The following UTS2B variants were observed in gnomAD, a reference collection of about 807,000 sequenced individuals.
The protein encoded by UTS2B is urotensin 2B.
UTS2B carries 21 observed loss-of-function variants against 19.2 expected under a neutral mutation model. The ratio of observed to expected loss-of-function variants is 1.09; its 90% CI spans 0.78 to 1.58. The LOEUF is 1.58. Ranked by LOEUF, UTS2B falls within the 40% of genes most tolerant of loss-of-function variation. The pLI, the probability that UTS2B is intolerant of heterozygous loss-of-function variation, is 0.00. For synonymous variants in UTS2B, 57 were observed against 50.2 expected, an observed-to-expected ratio of 1.14 and a Z score of -0.58; for missense variants, 138 against 130.3, an observed-to-expected ratio of 1.06 and a Z score of -0.29.
In UTS2B at chr3:191,275,235, T is replaced by G. The variant is rs909717344; in HGVS notation, c.334+17A>C. The G allele has an allele frequency of 2.5e-6, 4 of 1,572,490 alleles. No homozygotes were observed. The African/African-American group carries it at 5.4e-5, about 21-fold the overall frequency. On this transcript the variant is annotated intron_variant, in intron 8 of 8. Coordinates refer to ENST00000340524, the MANE Select transcript of UTS2B (RefSeq NM_198152.5). ...TCTTTTGGAAGTCAATCTTAAAACC[T>G]TGAAATGAAAGCTTACCTCGTTTGC...
chr3:191,322,046 A>ATGTG (rs1288012055), intron 2 of UTS2B, among the ~76,000 whole-genome samples: 2 of 131,424 alleles, frequency 1.5e-5, no homozygotes, highest in African/African-American at 3.5e-5. Flanking sequence ...ATATACATAT[A>ATGTG]TATGTGTGTG....
At chr3:191,274,408 C>T (rs531907380) in intron 8 of UTS2B, among the ~76,000 whole-genome samples, 14 of 152,232 alleles carry the variant, frequency 9.2e-5, no homozygotes, top group Middle Eastern at 3.4e-3. Context: ...TCCCAACAAT[C>T]CCATGAAGAT....
chr3:191,301,083 C>T (rs551772356), intron 4 of UTS2B, among the ~76,000 whole-genome samples: 1 of 144,636 alleles, frequency 6.9e-6, no homozygotes, highest in African/African-American at 2.5e-5. Context: ...TGACTTACTG[C>T]CCTAACCAAA....
At chr3:191,313,398 A>G (rs889589437) in intron 3 of UTS2B, among the ~76,000 whole-genome samples, 1 of 152,218 alleles carries the variant, frequency 6.6e-6, no homozygotes, top group African/African-American at 2.4e-5. Flanking sequence ...AACAAAGCAC[A>G]TTCCTTGCTG....
chr3:191,277,183 C>T (rs568065174), intron 6 of UTS2B, among the ~76,000 whole-genome samples: 125 of 151,992 alleles, frequency 8.2e-4, no homozygotes, highest in Non-Finnish European at 1.3e-3. Flanking sequence ...GGGTTGTGGG[C>T]GGGGGGAAGC....
chr3:191,268,103 G>A lies in UTS2B; in HGVS notation c.*313C>T, dbSNP rs566090576. ...ATCCGTTTATAGGCTCTCCACGAGG[G>A]GCGCATTCCATTCCCAGAGCTATGA... On this transcript the variant is annotated 3_prime_UTR_variant, in exon 9 of 9. Coordinates refer to ENST00000340524, the MANE Select transcript of UTS2B (RefSeq NM_198152.5). The A allele has an allele frequency of 9.9e-6, 2 of 202,364 alleles. No individual in the cohort carries two copies. Among genetic ancestry groups the A allele is most frequent in the Non-Finnish European group, 2.0e-5 (2 of 99,974 alleles). The allele number at this position is 202,364 out of a possible 1,614,324, so 12.5% of individuals were successfully genotyped here. A position where few individuals can be genotyped will look rare whatever the true frequency, so the allele number is the denominator to read the frequency against.
At chr3:191,333,375 T>C (rs1718050402), upstream of UTS2B, among the ~76,000 whole-genome samples, 1 of 152,172 alleles carries the variant, frequency 6.6e-6, no homozygotes, top group South Asian at 2.1e-4. Flanking sequence ...GGGAAAGATA[T>C]AAAATTATGT....
chr3:191,342,699 A>C, the UTS2B span, among the ~76,000 whole-genome samples: 1 of 152,196 alleles, frequency 6.6e-6, no homozygotes, highest in Admixed American at 6.5e-5. Flanking sequence ...GGGCTTGTGT[A>C]AGTGCCAGGA....
the UTS2B span, among the ~76,000 whole-genome samples, chr3:191,344,439 A>G: frequency 1.3e-5 from 2 of 152,210 alleles, no homozygotes; most frequent in African/African-American, 2.4e-5. Flanking sequence ...AATTTATATT[A>G]TATGTAACAG....
the UTS2B span, among the ~76,000 whole-genome samples, chr3:191,342,905 G>C: frequency 6.6e-6 from 1 of 152,048 alleles, no homozygotes; most frequent in African/African-American, 2.4e-5. Context: ...TGTTTTTTTC[G>C]TAGAATGTCT....
rs867353543 is a variant in UTS2B at position 191,319,260 on chromosome 3, G to C, written c.-585-2821C>G. Reference sequence around the variant, plus strand: ...GATTCCTTTGCCCTGGCTCCACGTTGACTCACTTTATCATTGTCTCTCGCC... The same window carrying C: ...GATTCCTTTGCCCTGGCTCCACGTTCACTCACTTTATCATTGTCTCTCGCC... On this transcript the variant is annotated intron_variant, in intron 2 of 8. Coordinates refer to ENST00000340524, the MANE Select transcript of UTS2B (RefSeq NM_198152.5). Among the ~76,000 whole-genome samples, 11 of 152,100 alleles carry C rather than the reference G, an allele frequency of 7.2e-5. No homozygotes were observed. The South Asian group carries it at 1.4e-3, about 20-fold the overall frequency.
chr3:191,333,884 A>G (rs890821118), upstream of UTS2B, among the ~76,000 whole-genome samples: 3 of 152,086 alleles, frequency 2.0e-5, no homozygotes. Context: ...CTAATTTTTT[A>G]TAGGTATGTC....
chr3:191,345,831 G>A, the UTS2B span, among the ~76,000 whole-genome samples: 4 of 152,098 alleles, frequency 2.6e-5, no homozygotes, highest in Non-Finnish European at 2.9e-5. Context: ...ATGATTCTTC[G>A]CAGTGTGTTT....
At chr3:191,340,823 A>G in the UTS2B span, among the ~76,000 whole-genome samples, 12,972 of 152,084 alleles carry the variant, frequency 0.085, 683 homozygotes, top group East Asian at 0.25. Context: ...GCCAGGAAAC[A>G]TTGCTTCAGA....
chr3:191,276,175 C>T (rs908747058), intron 7 of UTS2B, among the ~76,000 whole-genome samples: 5 of 151,880 alleles, frequency 3.3e-5, no homozygotes, highest in African/African-American at 4.8e-5. Flanking sequence ...TGCCTTAGGC[C>T]CTGAAGAGCT....
At chr3:191,288,921 A>AG in intron 4 of UTS2B, among the ~76,000 whole-genome samples, 1 of 102,396 alleles carries the variant, frequency 9.8e-6, no homozygotes, top group Non-Finnish European at 2.5e-5. Flanking sequence ...AACAAAAGCA[A>AG]AAACAAACGA....
intron 4 of UTS2B, among the ~76,000 whole-genome samples, chr3:191,282,631 A>G (rs895891517): frequency 3.3e-5 from 5 of 152,232 alleles, no homozygotes; most frequent in Non-Finnish European, 7.4e-5. Context: ...AGCTGAGAGC[A>G]TAGAGGGCAG....
At chr3:191,303,789 A>G (rs987168013) in intron 4 of UTS2B, among the ~76,000 whole-genome samples, 1 of 152,166 alleles carries the variant, frequency 6.6e-6, no homozygotes, top group Non-Finnish European at 1.5e-5. Flanking sequence ...AGTACAATGA[A>G]CAGTTGTCTG....
rs56141214 is a variant in UTS2B, at chr3:191,329,453, C to T, written c.-664-744G>A. 0.01 allele frequency: 4,836 copies of T among 465,390 alleles called. 49 individuals carry two copies. The highest frequency in any genetic ancestry group is 0.013 in the Non-Finnish European group (3,486 of 265,474). 28.8% of individuals were successfully genotyped at this position (465,390 alleles called of 1,614,324 possible). ...GCCGGGGACGCGGAGCAGGTGGCCGCGGCGGGGCAGCTGGGCCGCCAGCTT... is the reference window on the plus strand; with the variant it reads ...GCCGGGGACGCGGAGCAGGTGGCCGTGGCGGGGCAGCTGGGCCGCCAGCTT... On this transcript the variant is annotated intron_variant, in intron 1 of 8. Transcript: ENST00000340524.
Sources: allele counts gnomAD v4.1 joint callset (sites outside exome capture counted in the v4.1 genomes callset), GRCh38; gene constraint gnomAD v4.1.1; transcripts MANE v1.5; gene names NCBI Gene and HGNC (gene_info 2026-07-23, HGNC 2026-07-21).